The following ZNF280D variants were observed in gnomAD, a reference collection of about 807,000 sequenced individuals.
ZNF280D encodes the protein suppressor of hairy wing homolog 4.
In ZNF280D, 39 loss-of-function variants were observed where a neutral mutation model predicts 94.7. The observed-to-expected ratio is 0.41, with a 90% confidence interval of 0.32 to 0.54. The LOEUF (loss-of-function observed/expected upper bound fraction) is 0.54, where lower values mean the gene tolerates loss of function less well. ZNF280D is among the 20% of genes least tolerant of loss of function. The pLI is 0.22. For missense variants in ZNF280D, 1,090 were observed against 1,149.3 expected (o/e 0.95, Z 0.75); for synonymous variants, 398 against 377.6 (o/e 1.05, Z -0.63).
At position 56,693,176 on chromosome 15, in the gene ZNF280D, A is replaced by C; in HGVS notation, c.421T>G (p.Ser141Ala). 6.2e-7 allele frequency: 1 copy of C among 1,600,692 alleles called. No homozygotes were observed. The highest frequency in any genetic ancestry group is 8.5e-7 in the Non-Finnish European group (1 of 1,174,242). Residue 141 changes from serine (S) to alanine (A), a missense_variant, in exon 7 of 22, where the codon TCA becomes GCA. Around this residue, in one of 3 missense-constraint regions of ZNF280D, gnomAD observed 386 missense variants for 372.0 expected, o/e 1.04. Coordinates refer to ENST00000267807, the MANE Select transcript of ZNF280D (RefSeq NM_017661.4). ...TNSSRVVSNK[S>A]SELLFDLTQD... ...GTCAAGTCAAACAGTAACTCTGATG[A>C]CTTATTAGACACAACTCGTGATGAG...
At position 56,654,414 on chromosome 15, in the gene ZNF280D, G is replaced by A. The variant is rs1267383526; in HGVS notation, c.2147C>T (p.Thr716Ile). ...CTGCATTACAACTTGGCAAGTATGAGTTTTATGTTGACTTAAGTGTGTAGC... is the reference window on the plus strand; with the variant it reads ...CTGCATTACAACTTGGCAAGTATGAATTTTATGTTGACTTAAGTGTGTAGC... ...NMATHLSQHK[T>I]HTCQVVMQKV... is the part of the protein sequence containing the mutation. The change falls in exon 18 of 22, where the codon ACT becomes ATT. Residue 716 changes from threonine (T) to isoleucine (I), a missense_variant. Physicochemically the swap from Thr to Ile is moderately conservative, Grantham distance 89. Coordinates refer to ENST00000267807, the MANE Select transcript of ZNF280D (RefSeq NM_017661.4). The A allele has an allele frequency of 5.6e-6, 9 of 1,608,740 alleles. No homozygotes were observed. The highest frequency in any genetic ancestry group is 1.7e-4 in the Middle Eastern group (1 of 5,934).
chr15:56,658,586 A>C, intron 16 of ZNF280D, 100 bp from the exon 17 acceptor site: 4 of 760,128 alleles, frequency 5.3e-6, no homozygotes, highest in Non-Finnish European at 8.2e-6. Context: ...AGTTTGTAAT[A>C]AAAGATTATA....
At chr15:56,692,048 G>T (rs984509195) in intron 7 of ZNF280D, among the ~76,000 whole-genome samples, 4 of 152,068 alleles carry the variant, frequency 2.6e-5, no homozygotes, top group Admixed American at 6.5e-5. Context: ...TATACAGAAA[G>T]AATAGGAGTC....
chr15:56,733,397 C>G (rs1189998979), intron 1 of ZNF280D, 61 bp downstream of exon 1: 2 of 961,538 alleles, frequency 2.1e-6, no homozygotes, highest in Non-Finnish European at 2.5e-6. Context: ...GCGGCGCAGG[C>G]CGCGCGGGAG....
chr15:56,653,965 G>A, intron 19 of ZNF280D: 1 of 1,394,252 alleles, frequency 7.2e-7, no homozygotes, highest in Non-Finnish European at 9.3e-7. Context: ...CTGCTCAACT[G>A]CCTTTGTGTA....
chr15:56,675,708 A>G (rs750850533), intron 13 of ZNF280D, among the ~76,000 whole-genome samples: 1 of 152,024 alleles, frequency 6.6e-6, no homozygotes, highest in Non-Finnish European at 1.5e-5. Flanking sequence ...ATCTTCTCCA[A>G]TTAAAAACAG....
chr15:56,703,994 C>T, intron 4 of ZNF280D, 127 bp downstream of exon 4: 1 of 979,294 alleles, frequency 1.0e-6, no homozygotes, highest in Non-Finnish European at 1.4e-6. Flanking sequence ...CCTCCTTCCT[C>T]AAGTCCCCAA....
At chr15:56,680,396 A>C (rs1258815246) in intron 10 of ZNF280D, among the ~76,000 whole-genome samples, 1 of 152,200 alleles carries the variant, frequency 6.6e-6, no homozygotes, top group African/African-American at 2.4e-5. Context: ...TATCAGATAT[A>C]ATTTTCTTAA....
intron 1 of ZNF280D, among the ~76,000 whole-genome samples, chr15:56,721,216 C>T (rs1357461687): frequency 6.6e-6 from 1 of 152,094 alleles, no homozygotes; most frequent in African/African-American, 2.4e-5. Context: ...AGTGATCCAC[C>T]CATCTCCACC....
chr15:56,675,923 G>T (rs2279299), intron 13 of ZNF280D, among the ~76,000 whole-genome samples: 69,648 of 151,708 alleles, frequency 0.46, 17,213 homozygotes, highest in African/African-American at 0.66. Flanking sequence ...TTTCAAGCAC[G>T]CAAGAACAGG....
At chr15:56,703,271 A>G (rs1218732016) in intron 4 of ZNF280D, among the ~76,000 whole-genome samples, 1 of 152,228 alleles carries the variant, frequency 6.6e-6, no homozygotes, top group Admixed American at 6.5e-5. Context: ...CAGTGGCTGT[A>G]GACAGCGCCA....
At chr15:56,638,384 T>C (rs1244707463) in intron 20 of ZNF280D, among the ~76,000 whole-genome samples, 1 of 152,132 alleles carries the variant, frequency 6.6e-6, no homozygotes, top group East Asian at 1.9e-4. Context: ...GCAAAAAAAG[T>C]CAGTGATACG....
At chr15:56,667,460 C>T (rs1300664616) in intron 14 of ZNF280D, among the ~76,000 whole-genome samples, 2 of 152,108 alleles carry the variant, frequency 1.3e-5, no homozygotes, top group African/African-American at 2.4e-5. Context: ...AAGATTTATG[C>T]TTACAAATGT....
At chr15:56,682,141 A>C in intron 10 of ZNF280D, 113 bp downstream of exon 10, 3 of 714,700 alleles carry the variant, frequency 4.2e-6, no homozygotes. Flanking sequence ...TTCTCAGTAG[A>C]AAGTGTTAAA....
intron 13 of ZNF280D, among the ~76,000 whole-genome samples, chr15:56,672,032 T>TACCTTGGGACTTTGC (rs1468630001): frequency 6.6e-6 from 1 of 152,180 alleles, no homozygotes; most frequent in African/African-American, 2.4e-5. Context: ...ATTGACTTTG[T>TACCTTGGGACTTTGC]ACCTTGGGAC....
intron 19 of ZNF280D, among the ~76,000 whole-genome samples, chr15:56,646,614 G>A (rs1351417178): frequency 1.3e-5 from 2 of 152,172 alleles, no homozygotes; most frequent in African/African-American, 2.4e-5. Context: ...AAGGATGCCT[G>A]AGCAAAACAT....
chr15:56,707,113 G>A lies in ZNF280D; in HGVS notation c.-4C>T, dbSNP rs147737624. 6.2e-7 allele frequency: 1 copy of A among 1,613,922 alleles called. No individual in the cohort carries two copies. The highest frequency in any genetic ancestry group is 1.1e-5 in the South Asian group (1 of 91,070). On this transcript the variant is annotated 5_prime_UTR_variant, in exon 3 of 22. Coordinates refer to ENST00000267807, the MANE Select transcript of ZNF280D (RefSeq NM_017661.4). ...GTTGAAAAGGGTTGTCGCCCATCAA[G>A]CTGCAGAGATGACTTTCTGTAAATT...
At chr15:56,649,381 A>AT (rs2053080595) in intron 19 of ZNF280D, among the ~76,000 whole-genome samples, 1 of 152,168 alleles carries the variant, frequency 6.6e-6, no homozygotes. Context: ...TGCTTACCAG[A>AT]TATCAAAGGC....
chr15:56,632,643 ACAC>A (rs1282082804), intron 21 of ZNF280D, among the ~76,000 whole-genome samples: 6 of 151,492 alleles, frequency 4.0e-5, no homozygotes, highest in Non-Finnish European at 8.8e-5. Flanking sequence ...ATATAGGTGC[ACAC>A]CACCAAGCCC....
Sources: allele counts gnomAD v4.1 joint callset (sites outside exome capture counted in the v4.1 genomes callset), GRCh38; gene constraint gnomAD v4.1.1; regional missense constraint gnomAD v4.1.1; transcripts MANE v1.5; gene names NCBI Gene and HGNC (gene_info 2026-07-23, HGNC 2026-07-21).